The following FDFT1 variants were observed in gnomAD, a reference collection of about 807,000 sequenced individuals.
The protein encoded by FDFT1 is squalene synthase.
FDFT1 carries 68 observed loss-of-function variants against 46.8 expected under a neutral mutation model. That is an observed-to-expected ratio of 1.45 (90% CI 1.19 to 1.78). The LOEUF (loss-of-function observed/expected upper bound fraction) is 1.78. Ranked by LOEUF, FDFT1 falls within the 40% of genes most tolerant of loss-of-function variation. FDFT1 has a pLI of 0.00. For synonymous variants in FDFT1, 351 were observed against 185.1 expected, an observed-to-expected ratio of 1.90 and a Z score of -7.28; for missense variants, 928 against 524.4, an observed-to-expected ratio of 1.77 and a Z score of -7.52.
intron 6 of FDFT1, 118 bp downstream of exon 6, chr8:11,830,538 G>A (rs1810634086): frequency 1.4e-6 from 1 of 725,346 alleles, no homozygotes; most frequent in Non-Finnish European, 2.3e-6. Context: ...GATGACTCCA[G>A]TTTATTACGC....
intron 3 of FDFT1, among the ~76,000 whole-genome samples, chr8:11,819,796 G>A (rs2409831): frequency 1.3e-5 from 2 of 151,808 alleles, no homozygotes; most frequent in African/African-American, 4.8e-5. Context: ...AGAACGTGCT[G>A]CTTTAGCTTG....
At chr8:11,834,993 G>T (rs1415613396) in intron 7 of FDFT1, among the ~76,000 whole-genome samples, 1 of 152,112 alleles carries the variant, frequency 6.6e-6, no homozygotes, top group Non-Finnish European at 1.5e-5. Context: ...GTGTGGTGGT[G>T]CACACTTGTC....
At chr8:11,825,727 GT>G (rs1356191410) in intron 4 of FDFT1, among the ~76,000 whole-genome samples, 6 of 151,654 alleles carry the variant, frequency 4.0e-5, no homozygotes, top group African/African-American at 1.5e-4. Context: ...ATGTTTACTA[GT>G]TTTTTTCAGT....
intron 1 of FDFT1, among the ~76,000 whole-genome samples, chr8:11,805,526 T>C (rs1044331385): frequency 2.6e-5 from 4 of 152,242 alleles, no homozygotes; most frequent in Non-Finnish European, 4.4e-5. Flanking sequence ...TCTGACGCTA[T>C]TAAGTTAGGT....
chr8:11,836,376 T>C (rs1811538744), intron 7 of FDFT1, among the ~76,000 whole-genome samples: 1 of 152,264 alleles, frequency 6.6e-6, no homozygotes, highest in Non-Finnish European at 1.5e-5. Flanking sequence ...CCTTGCCTTC[T>C]GCTCCAGAGA....
At position 11,810,413 on chromosome 8, in the gene FDFT1, G is replaced by C. The variant is rs550364323; in HGVS notation, c.381+563G>C. 3.9e-5 allele frequency among the ~76,000 whole-genome samples: 6 copies of C among 152,312 alleles called. No homozygotes were observed. In the South Asian group the frequency reaches 8.3e-4, roughly 21 times the overall value. On this transcript the variant is annotated intron_variant, in intron 3 of 7. Coordinates refer to ENST00000220584, the MANE Select transcript of FDFT1 (RefSeq NM_004462.5). ...TGGGGGCGGTGTCTGTTGGCAGCTA[G>C]GGCGAGCCTCTGCCACTTCACCTGT...
chr8:11,802,895 C>A lies in FDFT1; in HGVS notation c.63C>A (p.Ile21=), dbSNP rs1017850906. Residue 21 remains isoleucine (I), a synonymous_variant, in exon 1 of 8, where the codon ATC becomes ATA. Transcript: ENST00000220584. The part of the protein sequence containing the change: ...EEFYNLVRFR[I]GGKRKVMPKM... ...TCTACAACCTGGTGCGCTTCCGGAT[C>A]GGGGGCAAGCGGAAGGTGATGCCCA... The A allele has an allele frequency of 1.9e-6, 3 of 1,611,364 alleles. No individual in the cohort carries two copies. Among genetic ancestry groups the A allele is most frequent in the Non-Finnish European group, 2.5e-6 (3 of 1,178,726 alleles).
intron 3 of FDFT1, among the ~76,000 whole-genome samples, chr8:11,810,933 TA>T (rs71539744): frequency 0.48 from 42,293 of 88,674 alleles, 9,006 homozygotes; most frequent in Middle Eastern, 0.57. Context: ...GAGCAATATT[TA>T]AAAAAAAAAA....
intron 4 of FDFT1, among the ~76,000 whole-genome samples, chr8:11,824,789 G>A (rs1398469426): frequency 1.3e-5 from 2 of 152,144 alleles, no homozygotes; most frequent in Non-Finnish European, 2.9e-5. Flanking sequence ...AGGCTGGAGT[G>A]CAGTGGCGCG....
intron 7 of FDFT1, 103 bp from the exon 8 acceptor site, chr8:11,838,285 G>A (rs905863121): frequency 9.4e-6 from 8 of 854,644 alleles, no homozygotes; most frequent in African/African-American, 1.7e-5. Context: ...TTTCCTCATT[G>A]GTAAAATGGG....
intron 3 of FDFT1, among the ~76,000 whole-genome samples, chr8:11,819,871 T>A (rs1563319559): frequency 6.6e-6 from 1 of 152,116 alleles, no homozygotes; most frequent in Non-Finnish European, 1.5e-5. Context: ...TCATTGTCCA[T>A]CCAGTTTTGT....
intron 4 of FDFT1, among the ~76,000 whole-genome samples, chr8:11,825,610 C>T (rs757870064): frequency 5.5e-4 from 81 of 147,830 alleles, no homozygotes; most frequent in Admixed American, 1.0e-3. Flanking sequence ...CCCAGCTGTT[C>T]GGGAAGCTGA....
intron 4 of FDFT1, among the ~76,000 whole-genome samples, chr8:11,824,484 C>T (rs73547802): frequency 0.04 from 6,022 of 152,258 alleles, 405 homozygotes; most frequent in African/African-American, 0.14. Flanking sequence ...GAACTCTTAG[C>T]CCCTGCCACA....
intron 4 of FDFT1, among the ~76,000 whole-genome samples, chr8:11,823,617 C>G (rs982438591): frequency 2.0e-5 from 3 of 152,118 alleles, no homozygotes; most frequent in Non-Finnish European, 4.4e-5. Context: ...CTCTGTCACC[C>G]AGACTGGAAT....
chr8:11,827,684 A>G (rs1376140216), intron 5 of FDFT1, among the ~76,000 whole-genome samples: 1 of 152,212 alleles, frequency 6.6e-6, no homozygotes, highest in Non-Finnish European at 1.5e-5. Context: ...AGGAAGAGAC[A>G]CACAGATGAT....
At chr8:11,811,227 A>G (rs2130739848) in intron 3 of FDFT1, among the ~76,000 whole-genome samples, 1 of 152,308 alleles carries the variant, frequency 6.6e-6, no homozygotes, top group South Asian at 2.1e-4. Flanking sequence ...GTTTCCTTTG[A>G]TGGGAAATCT....
At chr8:11,813,677 G>C (rs186386465) in intron 3 of FDFT1, among the ~76,000 whole-genome samples, 2 of 152,214 alleles carry the variant, frequency 1.3e-5, no homozygotes, top group East Asian at 3.9e-4. Flanking sequence ...CCTCTATGTG[G>C]GATTTGGCCT....
At chr8:11,801,756 T>G (rs1335970761), upstream of FDFT1, 1 of 349,714 alleles carries the variant, frequency 2.9e-6, no homozygotes, top group Non-Finnish European at 5.6e-6. Context: ...TGCAGCGGTG[T>G]CATCTTGGCT....
At chr8:11,811,473 A>G (rs1441636589) in intron 3 of FDFT1, among the ~76,000 whole-genome samples, 1 of 152,262 alleles carries the variant, frequency 6.6e-6, no homozygotes, top group Non-Finnish European at 1.5e-5. Context: ...CTATCCCCTC[A>G]GCAGAAGTGA....
Sources: gnomAD v4.1 joint callset for allele counts (sites outside exome capture counted in the v4.1 genomes callset) on GRCh38, gnomAD v4.1.1 for gene constraint, MANE v1.5 for transcripts, NCBI Gene and HGNC (gene_info 2026-07-23, HGNC 2026-07-21) for gene names.